SLCO3A1: variants seen among roughly 807,000 people sequenced by gnomAD.
SLCO3A1 encodes solute carrier organic anion transporter family member 3A1.
A neutral mutation model predicts 63.1 loss-of-function variants in SLCO3A1; 27 were observed. The ratio of observed to expected loss-of-function variants is 0.43; its 90% CI spans 0.32 to 0.59. The LOEUF (loss-of-function observed/expected upper bound fraction) is 0.59. Ranked by LOEUF, SLCO3A1 falls within the 20% of genes least tolerant of loss-of-function variation. The pLI is 0.09. For synonymous variants in SLCO3A1, 473 were observed against 409.9 expected (o/e 1.15, Z -1.86); for missense variants, 773 against 945.8 (o/e 0.82, Z 2.40).
chr15:91,973,306 G>C (rs958589805), intron 2 of SLCO3A1, among the ~76,000 whole-genome samples: 1 of 152,200 alleles, frequency 6.6e-6, no homozygotes, highest in Non-Finnish European at 1.5e-5. Flanking sequence ...CTTGACGGCA[G>C]CCCTCTGAGA....
intron 2 of SLCO3A1, among the ~76,000 whole-genome samples, chr15:91,958,000 C>G (rs375679287): frequency 1.3e-5 from 2 of 151,992 alleles, no homozygotes. Flanking sequence ...TGGGTTTGAA[C>G]TGCATGGACC....
chr15:92,120,432 G>T, intron 4 of SLCO3A1, 33 bp from the exon 5 acceptor site: 1 of 1,608,634 alleles, frequency 6.2e-7, no homozygotes, highest in South Asian at 1.1e-5. Context: ...GTGTGACCTT[G>T]ACCCTGACCA....
intron 9 of SLCO3A1, among the ~76,000 whole-genome samples, chr15:92,152,101 T>A (rs2048313292): frequency 6.6e-6 from 1 of 152,272 alleles, no homozygotes; most frequent in Non-Finnish European, 1.5e-5. Flanking sequence ...TTCCATTTTA[T>A]CAGAAGAGTA....
At chr15:91,913,343 C>T (rs901414865) in intron 1 of SLCO3A1, among the ~76,000 whole-genome samples, 1 of 152,252 alleles carries the variant, frequency 6.6e-6, no homozygotes, top group African/African-American at 2.4e-5. Flanking sequence ...TAATGGGTGT[C>T]ATGGCCTTAG....
rs74030487 is a variant in SLCO3A1, at chr15:92,114,098, C to T, written c.1010-6367C>T. The stretch of plus-strand genomic sequence containing the variant: ...GGGCCAACAGGTCAGAGCTGGTCCT[C>T]CTGCATTTGTACAGGCAGGGGGCAT... On this transcript the variant is annotated intron_variant, in intron 4 of 9. Transcript: ENST00000318445. 7.0e-3 allele frequency among the ~76,000 whole-genome samples: 1,059 copies of T among 152,256 alleles called. 10 individuals carry two copies. Among genetic ancestry groups the T allele is most frequent in the African/African-American group, 0.024 (1,012 of 41,532 alleles).
At chr15:92,093,336 G>C (rs1369341666) in intron 2 of SLCO3A1, among the ~76,000 whole-genome samples, 1 of 152,188 alleles carries the variant, frequency 6.6e-6, no homozygotes. Flanking sequence ...GAGGGAGAAG[G>C]GGAGGTCCCA....
intron 7 of SLCO3A1, among the ~76,000 whole-genome samples, chr15:92,133,656 T>C (rs1487160852): frequency 6.9e-6 from 1 of 145,316 alleles, no homozygotes; most frequent in Non-Finnish European, 1.5e-5. Flanking sequence ...CTTAGGGGAA[T>C]CTAATGCCCG....
chr15:91,906,069 C>G (rs1355305866), intron 1 of SLCO3A1, among the ~76,000 whole-genome samples: 1 of 152,194 alleles, frequency 6.6e-6, no homozygotes, highest in African/African-American at 2.4e-5. Flanking sequence ...TCTCTGGGCT[C>G]AGGTTCCTCA....
At chr15:91,990,864 T>C (rs150002939) in intron 2 of SLCO3A1, among the ~76,000 whole-genome samples, 66 of 152,142 alleles carry the variant, frequency 4.3e-4, no homozygotes, top group African/African-American at 1.5e-3. Context: ...TGTTGCTGGC[T>C]GGGAATAGGG....
chr15:91,929,435 G>A (rs754950582), intron 2 of SLCO3A1, among the ~76,000 whole-genome samples: 7 of 152,150 alleles, frequency 4.6e-5, no homozygotes, highest in Non-Finnish European at 1.0e-4. Context: ...ATTGGGTGAG[G>A]GACCACGTGT....
At chr15:92,020,988 A>G (rs2046502108) in intron 2 of SLCO3A1, among the ~76,000 whole-genome samples, 1 of 152,198 alleles carries the variant, frequency 6.6e-6, no homozygotes. Context: ...TCTCCAAACC[A>G]CAGTTCTTGC....
chr15:92,023,163 G>A (rs948224996), intron 2 of SLCO3A1, among the ~76,000 whole-genome samples: 1 of 152,264 alleles, frequency 6.6e-6, no homozygotes, highest in South Asian at 2.1e-4. Flanking sequence ...CACTAAGTAC[G>A]CTAAAGCCAC....
At position 91,865,834 on chromosome 15, in the gene SLCO3A1, C is replaced by G. The variant is rs997611891; in HGVS notation, c.180+11746C>G. Among the ~76,000 whole-genome samples the G allele has an allele frequency of 1.3e-5, 2 of 152,180 alleles. No homozygotes were observed. Among genetic ancestry groups the G allele is most frequent in the African/African-American group, 4.8e-5 (2 of 41,430 alleles). ...ACTAAGAGTTAGGACTTCAGTTTAT[C>G]TTTTTGGGGAAAACAAATCAATTCA... On this transcript the variant is annotated intron_variant, in intron 1 of 9. Coordinates refer to ENST00000318445, the MANE Select transcript of SLCO3A1 (RefSeq NM_013272.4). The surrounding 1 kb of genome is among the most constrained non-coding windows in gnomAD (Gnocchi z 4.6).
Position 91,968,075 on chromosome 15 carries a change from C to T in SLCO3A1, c.646+51617C>T, listed in dbSNP as rs558775583. ...CATTTTCTAGAGTCCCCTGCCTAGT[C>T]GCCCTGGAAAGTACCCAGGGAAGCC... On this transcript the variant is annotated intron_variant, in intron 2 of 9. Coordinates refer to ENST00000318445, the MANE Select transcript of SLCO3A1 (RefSeq NM_013272.4). The surrounding 1 kb of genome is among the most constrained non-coding windows in gnomAD (Gnocchi z 4.2). 2.6e-5 allele frequency among the ~76,000 whole-genome samples: 4 copies of T among 152,252 alleles called. No individual in the cohort carries two copies. In the East Asian group the frequency reaches 5.8e-4, roughly 22 times the overall value.
chr15:92,049,017 G>T, intron 2 of SLCO3A1, among the ~76,000 whole-genome samples: 1 of 152,232 alleles, frequency 6.6e-6, no homozygotes, highest in Middle Eastern at 3.2e-3. Context: ...GCCTGGAGAG[G>T]TTATATGTGA....
intron 2 of SLCO3A1, among the ~76,000 whole-genome samples, chr15:92,050,843 G>A (rs1378976078): frequency 2.0e-5 from 3 of 151,936 alleles, no homozygotes; most frequent in African/African-American, 7.3e-5. Flanking sequence ...GTTACGGCTC[G>A]GGATGATGTA....
Position 92,126,079 on chromosome 15 carries a change from G to T in SLCO3A1, c.1193G>T (p.Cys398Phe). The T allele has an allele frequency of 6.2e-7, 1 of 1,613,874 alleles. No homozygotes were observed. Among genetic ancestry groups the T allele is most frequent in the Non-Finnish European group, 8.5e-7 (1 of 1,179,986 alleles). ...CTTCCAGGGATGACTGCGATCCCGT[G>T]TGCTTGTCTGGGTATCTTCCTGGGA... ...NQLLGMTAIP[C>F]ACLGIFLGGL... The change falls in exon 6 of 10, where the codon TGT becomes TTT. Residue 398 changes from cysteine (C) to phenylalanine (F), a missense_variant. This residue lies in a region of SLCO3A1 where 565 missense variants were observed against 749.8 expected (regional missense o/e 0.75). Coordinates refer to ENST00000318445, the MANE Select transcript of SLCO3A1 (RefSeq NM_013272.4).
At chr15:92,025,875 G>A (rs534625843) in intron 2 of SLCO3A1, among the ~76,000 whole-genome samples, 1 of 152,378 alleles carries the variant, frequency 6.6e-6, no homozygotes, top group Non-Finnish European at 1.5e-5. Context: ...GGAGATGCTG[G>A]AAGAGTGGTA....
At chr15:91,976,310 T>C (rs1901107413) in intron 2 of SLCO3A1, among the ~76,000 whole-genome samples, 1 of 152,210 alleles carries the variant, frequency 6.6e-6, no homozygotes, top group Non-Finnish European at 1.5e-5. Context: ...GAAATGACAC[T>C]TCAGATATTT....
Sources: allele counts gnomAD v4.1 joint callset (sites outside exome capture counted in the v4.1 genomes callset), GRCh38; gene constraint gnomAD v4.1.1; regional missense constraint gnomAD v4.1.1; non-coding constraint Gnocchi (gnomAD v3.1); transcripts MANE v1.5; gene names NCBI Gene and HGNC (gene_info 2026-07-23, HGNC 2026-07-21).